The following RBFOX1 variants were observed in gnomAD, a reference collection of about 807,000 sequenced individuals.
RBFOX1 encodes the protein RNA binding protein fox-1 homolog 1.
RBFOX1 carries 8 observed loss-of-function variants against 57.7 expected under a neutral mutation model. The ratio of observed to expected loss-of-function variants is 0.14; its 90% CI spans 0.08 to 0.25. The LOEUF is 0.25. Among genes scored for constraint, RBFOX1 ranks in the 10% least tolerant of loss-of-function variants. The probability of loss-of-function intolerance (pLI) is 1.00; values close to 1 mark genes in which losing one functional copy is unlikely to be tolerated. For missense variants in RBFOX1, 611 were observed against 548.5 expected, an observed-to-expected ratio of 1.11 and a Z score of -1.14; for synonymous variants, 326 against 222.4, an observed-to-expected ratio of 1.47 and a Z score of -4.15.
intron 10 of RBFOX1, among the ~76,000 whole-genome samples, chr16:7,627,348 T>A (rs2060239369): frequency 6.6e-6 from 1 of 152,138 alleles, no homozygotes; most frequent in Non-Finnish European, 1.5e-5. Context: ...TAGGAAAGGA[T>A]AATATTGAAA....
chr16:6,663,983 A>C (rs984833309), intron 3 of RBFOX1, among the ~76,000 whole-genome samples: 3 of 152,224 alleles, frequency 2.0e-5, no homozygotes, highest in Non-Finnish European at 4.4e-5. Context: ...CCTTTTGACC[A>C]GGAAGAGTAT....
At chr16:6,567,676 A>G (rs763891134) in intron 2 of RBFOX1, among the ~76,000 whole-genome samples, 1 of 152,114 alleles carries the variant, frequency 6.6e-6, no homozygotes, top group Non-Finnish European at 1.5e-5. Flanking sequence ...CACCCAGTAG[A>G]TATTCTGAAA....
intron 1 of RBFOX1, among the ~76,000 whole-genome samples, chr16:6,142,416 T>C (rs1490275758): frequency 6.6e-6 from 1 of 151,632 alleles, no homozygotes; most frequent in Non-Finnish European, 1.5e-5. Context: ...AGAGATGGGG[T>C]TTCACCATGT....
chr16:6,879,403 G>C (rs2062467530), intron 3 of RBFOX1, among the ~76,000 whole-genome samples: 1 of 152,018 alleles, frequency 6.6e-6, no homozygotes, highest in South Asian at 2.1e-4. Context: ...TGGATGCTCT[G>C]GTATGTAATT....
chr16:6,909,266 G>A (rs1361161536), intron 3 of RBFOX1, among the ~76,000 whole-genome samples: 5 of 152,068 alleles, frequency 3.3e-5, no homozygotes, highest in Non-Finnish European at 7.4e-5. Flanking sequence ...TTCAAAGCCA[G>A]CATTGTGGCC....
At chr16:6,081,736 C>T (rs1433502036) in intron 1 of RBFOX1, among the ~76,000 whole-genome samples, 1 of 152,134 alleles carries the variant, frequency 6.6e-6, no homozygotes, top group African/African-American at 2.4e-5. Context: ...CTAGCAATAG[C>T]AGAAGTCCCA....
At chr16:5,715,772 G>A (rs906642824) in intron 3 of RBFOX1, among the ~76,000 whole-genome samples, 1 of 152,192 alleles carries the variant, frequency 6.6e-6, no homozygotes. Flanking sequence ...GAAGCCTGCG[G>A]CTGCGAGTAG....
intron 2 of RBFOX1, among the ~76,000 whole-genome samples, chr16:6,552,481 A>G (rs1393119260): frequency 6.6e-6 from 1 of 152,164 alleles, no homozygotes; most frequent in Admixed American, 6.5e-5. Flanking sequence ...AGGAGATACT[A>G]CCTGCAAAGT....
At chr16:6,442,222 AG>A (rs890055745) in intron 2 of RBFOX1, among the ~76,000 whole-genome samples, 22 of 152,268 alleles carry the variant, frequency 1.4e-4, no homozygotes, top group African/African-American at 5.3e-4. Flanking sequence ...TGGTGCTTAA[AG>A]GGGGACACAT....
chr16:5,547,987 C>G (rs2045285925), intron 2 of RBFOX1, among the ~76,000 whole-genome samples: 2 of 151,474 alleles, frequency 1.3e-5, no homozygotes, highest in South Asian at 4.2e-4. Flanking sequence ...TGGTGAAACC[C>G]TGTCTCTACT....
intron 3 of RBFOX1, among the ~76,000 whole-genome samples, chr16:6,955,917 G>A (rs1225432447): frequency 6.6e-6 from 1 of 152,070 alleles, no homozygotes; most frequent in South Asian, 2.1e-4. Flanking sequence ...TGTTGGTCAG[G>A]CTGGTCTCAA....
intron 5 of RBFOX1, among the ~76,000 whole-genome samples, chr16:7,565,732 G>C (rs1055095206): frequency 2.0e-5 from 3 of 152,198 alleles, no homozygotes; most frequent in Non-Finnish European, 4.4e-5. Context: ...GAAATAACTT[G>C]ATTGGTGGAG....
intron 3 of RBFOX1, among the ~76,000 whole-genome samples, chr16:5,865,213 T>C (rs1269754383): frequency 6.6e-6 from 1 of 152,200 alleles, no homozygotes; most frequent in Non-Finnish European, 1.5e-5. Flanking sequence ...CCTGACATAT[T>C]CCTGTTGGTT....
At chr16:6,587,396 C>T (rs1206202419) in intron 2 of RBFOX1, among the ~76,000 whole-genome samples, 1 of 152,180 alleles carries the variant, frequency 6.6e-6, no homozygotes, top group Non-Finnish European at 1.5e-5. Context: ...ATTCTCCTGC[C>T]TCAGCCTCCT....
intron 3 of RBFOX1, among the ~76,000 whole-genome samples, chr16:6,783,526 G>T (rs144868466): frequency 2.6e-5 from 4 of 151,506 alleles, no homozygotes; most frequent in African/African-American, 9.7e-5. Flanking sequence ...TTAAAAAGGA[G>T]AAAACTAAAT....
intron 3 of RBFOX1, among the ~76,000 whole-genome samples, chr16:5,780,047 C>T (rs1033032162): frequency 3.9e-5 from 6 of 152,170 alleles, no homozygotes; most frequent in African/African-American, 1.2e-4. Flanking sequence ...TGTGTCGCCC[C>T]GGCTGGAGTG....
In RBFOX1 at chr16:6,689,831, G is replaced by A. The variant is rs149515877; in HGVS notation, c.-16+35181G>A. On this transcript the variant is annotated intron_variant, in intron 3 of 15. Transcript: ENST00000550418. ...TGCACAGACTTCTTGAGCGAGGGCA[G>A]TAAGCTTTGTCTCCTGCAAAGACAT... Among the ~76,000 whole-genome samples, 9 of 152,318 alleles carry A rather than the reference G, an allele frequency of 5.9e-5. No individual in the cohort carries two copies. In the East Asian group the frequency reaches 1.5e-3, roughly 26 times the overall value.
chr16:6,077,584 T>C (rs1002450814), intron 1 of RBFOX1, among the ~76,000 whole-genome samples: 4 of 152,188 alleles, frequency 2.6e-5, no homozygotes, highest in African/African-American at 9.6e-5. Context: ...ACAAACCTCC[T>C]TAAGTTATAT....
intron 1 of RBFOX1, among the ~76,000 whole-genome samples, chr16:6,282,312 C>G (rs947186833): frequency 1.3e-5 from 2 of 150,368 alleles, no homozygotes; most frequent in Non-Finnish European, 2.9e-5. Flanking sequence ...AGTTTGACAC[C>G]TAGCTATGGC....
Sources: gnomAD v4.1 joint callset for allele counts (sites outside exome capture counted in the v4.1 genomes callset) on GRCh38, gnomAD v4.1.1 for gene constraint, MANE v1.5 for transcripts, NCBI Gene and HGNC (gene_info 2026-07-23, HGNC 2026-07-21) for gene names.